Variants in NBAS observed in about 807,000 individuals in gnomAD.
NBAS encodes NAG/BC035112 fusion.
A neutral mutation model predicts 302.5 loss-of-function variants in NBAS; 219 were observed. The observed-to-expected ratio is 0.72, with a 90% CI of 0.65 to 0.81. NBAS has a LOEUF of 0.81. NBAS is among the 30% of genes least tolerant of loss of function. The pLI is 0.00. For synonymous variants in NBAS, 1,118 were observed against 1,021.6 expected, an observed-to-expected ratio of 1.09 and a Z score of -1.80; for missense variants, 2,932 against 2,841.6, an observed-to-expected ratio of 1.03 and a Z score of -0.72.
At chr2:15,397,088 G>T (rs192676248) in intron 26 of NBAS, among the ~76,000 whole-genome samples, 1 of 152,194 alleles carries the variant, frequency 6.6e-6, no homozygotes, top group Non-Finnish European at 1.5e-5. Flanking sequence ...CAGTAAGCAG[G>T]GACTAGGAGA....
the NBAS span, among the ~76,000 whole-genome samples, chr2:14,817,209 G>A: frequency 2.5e-3 from 387 of 152,252 alleles, no homozygotes; most frequent in African/African-American, 8.1e-3. Flanking sequence ...GAATTTCTCC[G>A]CCTTGTAACT....
At chr2:15,545,877 T>A (rs1208509767) in intron 6 of NBAS, among the ~76,000 whole-genome samples, 1 of 152,226 alleles carries the variant, frequency 6.6e-6, no homozygotes, top group African/African-American at 2.4e-5. Context: ...GCAGATGCAA[T>A]AATCTGCTAT....
the NBAS span, among the ~76,000 whole-genome samples, chr2:15,028,485 C>T: frequency 6.6e-6 from 1 of 152,216 alleles, no homozygotes; most frequent in Non-Finnish European, 1.5e-5. Flanking sequence ...CTTTTTAAAA[C>T]ATAAATCAGA....
chr2:15,206,890 C>T (rs930083494), intron 48 of NBAS, among the ~76,000 whole-genome samples: 5 of 152,184 alleles, frequency 3.3e-5, no homozygotes, highest in African/African-American at 1.2e-4. Flanking sequence ...GGGTTGCAGC[C>T]CTCATGGAGA....
chr2:15,251,747 G>T (rs1008666270), intron 44 of NBAS, among the ~76,000 whole-genome samples: 2 of 152,162 alleles, frequency 1.3e-5, no homozygotes, highest in Non-Finnish European at 2.9e-5. Context: ...TCTTGGTTTT[G>T]GTGGCTTTTA....
the NBAS span, among the ~76,000 whole-genome samples, chr2:15,099,781 C>G: frequency 6.6e-6 from 1 of 152,038 alleles, no homozygotes; most frequent in Non-Finnish European, 1.5e-5. Flanking sequence ...TGCAAAGCAT[C>G]CAGCATAAGG....
chr2:15,269,445 T>G (rs1669221286), intron 44 of NBAS, among the ~76,000 whole-genome samples: 1 of 152,202 alleles, frequency 6.6e-6, no homozygotes, highest in Non-Finnish European at 1.5e-5. Context: ...GCTTACATTT[T>G]CTTCCAAGTG....
At chr2:15,538,428 A>G in intron 7 of NBAS, 1 of 371,710 alleles carries the variant, frequency 2.7e-6, no homozygotes, top group Non-Finnish European at 5.4e-6. Flanking sequence ...GCTTCTCACT[A>G]GAATCAGCTA....
intron 7 of NBAS, 53 bp downstream of exon 7, chr2:15,539,170 A>G: frequency 6.2e-7 from 1 of 1,607,732 alleles, no homozygotes; most frequent in East Asian, 2.2e-5. Flanking sequence ...TCAAGTACCT[A>G]TACATACATG....
Position 15,511,344 on chromosome 2 carries a change from T to G in NBAS, c.753A>C (p.Leu251Phe), listed in dbSNP as rs1384120906. 6.2e-7 allele frequency: 1 copy of G among 1,613,638 alleles called. No individual in the cohort carries two copies. The highest frequency in any genetic ancestry group is 1.1e-5 in the South Asian group (1 of 91,028). Residue 251 changes from leucine to phenylalanine, a missense_variant, in exon 10 of 52, where the codon TTA becomes TTC. By Grantham distance (22) the Leu-to-Phe change is conservative. Transcript: ENST00000281513. The part of the protein sequence containing the change: ...TAIYHPGHRL[L>F]LVGGCETAEV... ...CAGCAGTTTCACATCCACCAACAAGTAAAAGTCTAAAAAGGAGAAAATTTT... is the reference window on the plus strand; with the variant it reads ...CAGCAGTTTCACATCCACCAACAAGGAAAAGTCTAAAAAGGAGAAAATTTT...
chr2:15,146,336 T>C, the NBAS span, among the ~76,000 whole-genome samples: 1 of 152,172 alleles, frequency 6.6e-6, no homozygotes, highest in Non-Finnish European at 1.5e-5. Context: ...TATTTAAGGA[T>C]GGCAATAGTG....
chr2:14,966,405 G>A, the NBAS span, among the ~76,000 whole-genome samples: 1 of 152,136 alleles, frequency 6.6e-6, no homozygotes, highest in Admixed American at 6.5e-5. Context: ...TCATCCTTCA[G>A]TATATGCAGA....
chr2:14,999,486 C>G, the NBAS span, among the ~76,000 whole-genome samples: 1 of 152,210 alleles, frequency 6.6e-6, no homozygotes, highest in East Asian at 1.9e-4. Flanking sequence ...GGATTTCCCC[C>G]TTGTTGTTCT....
the NBAS span, among the ~76,000 whole-genome samples, chr2:14,956,452 CT>C: frequency 2.0e-5 from 3 of 152,138 alleles, no homozygotes; most frequent in African/African-American, 7.2e-5. Flanking sequence ...TTATGGTATC[CT>C]TATAGAACCC....
intron 23 of NBAS, 131 bp downstream of exon 23, chr2:15,424,184 A>T: frequency 1.5e-4 from 130 of 854,534 alleles, no homozygotes; most frequent in Middle Eastern, 3.3e-4. Context: ...AGAAATAAAT[A>T]TTCAATTCAT....
the NBAS span, among the ~76,000 whole-genome samples, chr2:14,966,951 T>C: frequency 1.3e-5 from 2 of 152,318 alleles, no homozygotes; most frequent in Non-Finnish European, 2.9e-5. Context: ...TAGCAAGGTT[T>C]TGGTATACAA....
chr2:15,535,249 C>T (rs1663430058), intron 8 of NBAS, among the ~76,000 whole-genome samples: 1 of 152,162 alleles, frequency 6.6e-6, no homozygotes, highest in African/African-American at 2.4e-5. Flanking sequence ...AGGCCAGGCG[C>T]AGTGGCTCAC....
At chr2:15,079,241 T>C in the NBAS span, among the ~76,000 whole-genome samples, 1 of 152,044 alleles carries the variant, frequency 6.6e-6, no homozygotes, top group Non-Finnish European at 1.5e-5. Flanking sequence ...CATCCCAGAC[T>C]GGGATGAAAT....
At chr2:15,074,723 T>C in the NBAS span, among the ~76,000 whole-genome samples, 153 of 152,278 alleles carry the variant, frequency 1.0e-3, no homozygotes, top group African/African-American at 3.6e-3. Context: ...TTACAAGTCA[T>C]ATCACAGACA....
Sources: gnomAD v4.1 joint callset for allele counts (sites outside exome capture counted in the v4.1 genomes callset) on GRCh38, gnomAD v4.1.1 for gene constraint, MANE v1.5 for transcripts, NCBI Gene and HGNC (gene_info 2026-07-23, HGNC 2026-07-21) for gene names.